Variants in AJAP1 observed in about 807,000 individuals in gnomAD.
AJAP1 encodes the protein adherens junctions associated protein 1.
Under a neutral mutation model 35.0 loss-of-function variants are expected in AJAP1, and 5 were observed. The ratio of observed to expected loss-of-function variants is 0.14; its 90% CI spans 0.07 to 0.30. The LOEUF is 0.30. AJAP1 is among the 10% of genes least tolerant of loss of function. The pLI is 1.00. For missense variants in AJAP1, 586 were observed against 571.0 expected (o/e 1.03, Z -0.27); for synonymous variants, 284 against 249.3 (o/e 1.14, Z -1.31).
intron 1 of AJAP1, among the ~76,000 whole-genome samples, chr1:4,706,731 C>A (rs1640108975): frequency 6.6e-6 from 1 of 152,194 alleles, no homozygotes; most frequent in Non-Finnish European, 1.5e-5. Flanking sequence ...GAAGAGATGT[C>A]TTTGGCCCCT....
chr1:4,666,005 C>T (rs976647919), intron 1 of AJAP1, among the ~76,000 whole-genome samples: 1 of 152,178 alleles, frequency 6.6e-6, no homozygotes, highest in Non-Finnish European at 1.5e-5. Context: ...GGGGTGGCTG[C>T]CGTTTACGGA....
At chr1:4,665,279 A>G (rs960253504) in intron 1 of AJAP1, among the ~76,000 whole-genome samples, 6 of 152,080 alleles carry the variant, frequency 3.9e-5, no homozygotes, top group Non-Finnish European at 7.4e-5. Context: ...ATCCCAGAAA[A>G]TGTTGATGGA....
chr1:4,735,814 T>C (rs416953), intron 2 of AJAP1, among the ~76,000 whole-genome samples: 104,561 of 152,116 alleles, frequency 0.69, 37,298 homozygotes, highest in Non-Finnish European at 0.79. Context: ...CAGCCCCTGT[T>C]ACCCCTGCCT....
At chr1:4,781,695 C>T (rs1642066655) in intron 5 of AJAP1, among the ~76,000 whole-genome samples, 1 of 152,228 alleles carries the variant, frequency 6.6e-6, no homozygotes, top group African/African-American at 2.4e-5. Flanking sequence ...CCAGACAGCA[C>T]CCCATCCCTG....
At chr1:4,777,685 G>A (rs1300582641) in intron 5 of AJAP1, 4 of 152,194 alleles carry the variant, frequency 2.6e-5, no homozygotes, top group Non-Finnish European at 5.9e-5. Context: ...CGTTCTGAAC[G>A]GAGCCTGCAA....
chr1:4,735,601 C>T (rs1051517483), intron 2 of AJAP1, among the ~76,000 whole-genome samples: 18 of 152,202 alleles, frequency 1.2e-4, no homozygotes, highest in Non-Finnish European at 2.4e-4. Context: ...AGGCTGCACA[C>T]GGAGGTCTCT....
rs1427668905 is a variant in AJAP1, at chr1:4,692,100, C to T, written c.30-19800C>T. On this transcript the variant is annotated intron_variant, in intron 1 of 5. Transcript: ENST00000378191. The surrounding 1 kb of genome is among the most constrained non-coding windows in gnomAD (Gnocchi z 4.4). Reference sequence around the variant, plus strand: ...CGGGAATGGCAGGTGGCATGGCGCCCGGCCGGCCCTGCGTGGATCTATTAT... The same window carrying T: ...CGGGAATGGCAGGTGGCATGGCGCCTGGCCGGCCCTGCGTGGATCTATTAT... 1.3e-5 allele frequency among the ~76,000 whole-genome samples: 2 copies of T among 152,124 alleles called. No homozygotes were observed. The highest frequency in any genetic ancestry group is 2.9e-5 in the Non-Finnish European group (2 of 68,022).
At chr1:4,772,193 C>A in intron 3 of AJAP1, 87 bp from the exon 4 acceptor site, 1 of 1,560,010 alleles carries the variant, frequency 6.4e-7, no homozygotes, top group Non-Finnish European at 8.7e-7. Flanking sequence ...CGCCTGCAAG[C>A]GAAAGACCCA....
chr1:4,682,123 C>T (rs1014074643), intron 1 of AJAP1, among the ~76,000 whole-genome samples: 1 of 152,096 alleles, frequency 6.6e-6, no homozygotes, highest in African/African-American at 2.4e-5. Context: ...GCTGAGAGGC[C>T]TTGAATTGGC....
Position 4,791,332 on chromosome 1 carries a change from T to G in AJAP1, c.*8847T>G, listed in dbSNP as rs1642245970. On this transcript the variant is annotated 3_prime_UTR_variant, in exon 6 of 6. Coordinates refer to ENST00000378191, the MANE Select transcript of AJAP1 (RefSeq NM_018836.4). The stretch of plus-strand genomic sequence containing the variant: ...CATTTTTAGAGTCTGTTACATTATT[T>G]TCTCAAAAGGAACACATGTTTACTA... 1 of 152,218 alleles carries G rather than the reference T, an allele frequency of 6.6e-6. No individual in the cohort carries two copies. Among genetic ancestry groups the G allele is most frequent in the African/African-American group, 2.4e-5 (1 of 41,450 alleles). 9.4% of individuals were successfully genotyped at this position (152,218 alleles called of 1,614,324 possible). A position where few individuals can be genotyped will look rare whatever the true frequency, so the allele number is the denominator to read the frequency against.
chr1:4,771,668 G>T (rs1391987686), intron 3 of AJAP1, among the ~76,000 whole-genome samples: 3 of 152,176 alleles, frequency 2.0e-5, no homozygotes, highest in African/African-American at 7.2e-5. Context: ...TGGTTCAGAG[G>T]AACTAGACCA....
rs1173466018 is a variant in AJAP1, at chr1:4,697,992, C to T, written c.30-13908C>T. Among the ~76,000 whole-genome samples the T allele has an allele frequency of 6.6e-5, 10 of 152,338 alleles. No homozygotes were observed. In the East Asian group the frequency reaches 7.7e-4, roughly 12 times the overall value. On this transcript the variant is annotated intron_variant, in intron 1 of 5. Coordinates refer to ENST00000378191, the MANE Select transcript of AJAP1 (RefSeq NM_018836.4). ...CCAGCGTGGGGTGGTGGCGGGCAGC[C>T]GGCAGGAGATTAAGCTGTGCAGTCA...
At chr1:4,719,138 TAGAC>T (rs759262056) in intron 2 of AJAP1, among the ~76,000 whole-genome samples, 2 of 152,208 alleles carry the variant, frequency 1.3e-5, no homozygotes, top group African/African-American at 2.4e-5. Context: ...GATTAAATGT[TAGAC>T]AGAATACCAT....
chr1:4,779,989 A>G (rs1207853211), intron 5 of AJAP1, among the ~76,000 whole-genome samples: 2 of 151,964 alleles, frequency 1.3e-5, no homozygotes, highest in East Asian at 3.9e-4. Context: ...TACTAAAAAT[A>G]CAAAAATTAG....
intron 2 of AJAP1, among the ~76,000 whole-genome samples, chr1:4,764,339 AT>A (rs549107576): frequency 6.6e-6 from 1 of 152,048 alleles, no homozygotes; most frequent in Non-Finnish European, 1.5e-5. Context: ...TGGAAGATGC[AT>A]TTTTTCTTAG....
At chr1:4,757,935 C>T (rs1422142866) in intron 2 of AJAP1, among the ~76,000 whole-genome samples, 6 of 109,688 alleles carry the variant, frequency 5.5e-5, no homozygotes, top group Admixed American at 2.9e-4. Context: ...GGGAGGGACC[C>T]GTGGGAGGCA....
chr1:4,771,725 G>A (rs1641839664), intron 3 of AJAP1, among the ~76,000 whole-genome samples: 1 of 152,190 alleles, frequency 6.6e-6, no homozygotes, highest in South Asian at 2.1e-4. Context: ...CTTGATCAGG[G>A]ATGAAGGACA....
At chr1:4,657,923 A>G (rs1638918421) in intron 1 of AJAP1, among the ~76,000 whole-genome samples, 1 of 152,040 alleles carries the variant, frequency 6.6e-6, no homozygotes, top group Non-Finnish European at 1.5e-5. Flanking sequence ...AGCTCCAAAG[A>G]TACTTTCCAT....
chr1:4,684,493 G>C (rs775057935), intron 1 of AJAP1, among the ~76,000 whole-genome samples: 6 of 152,144 alleles, frequency 3.9e-5, no homozygotes, highest in South Asian at 4.1e-4. Flanking sequence ...TGGCCACCTG[G>C]GGGAGGGGAA....
Sources: allele counts gnomAD v4.1 joint callset (sites outside exome capture counted in the v4.1 genomes callset), GRCh38; gene constraint gnomAD v4.1.1; non-coding constraint Gnocchi (gnomAD v3.1); transcripts MANE v1.5; gene names NCBI Gene and HGNC (gene_info 2026-07-23, HGNC 2026-07-21).